EFNA5: variants seen among roughly 807,000 people sequenced by gnomAD.
The protein encoded by EFNA5 is ephrin-A5.
Under a neutral mutation model 22.9 loss-of-function variants are expected in EFNA5, and 5 were observed. That is an observed-to-expected ratio of 0.22 (90% CI 0.11 to 0.46). EFNA5 has a LOEUF of 0.46. Among genes scored for constraint, EFNA5 ranks in the 20% least tolerant of loss-of-function variants. The pLI is 0.99. For synonymous variants in EFNA5, 113 were observed against 112.2 expected, an observed-to-expected ratio of 1.01 and a Z score of -0.04; for missense variants, 237 against 293.3, an observed-to-expected ratio of 0.81 and a Z score of 1.40.
chr5:107,533,084 C>T (rs916528333), intron 1 of EFNA5, among the ~76,000 whole-genome samples: 1 of 151,988 alleles, frequency 6.6e-6, no homozygotes, highest in African/African-American at 2.4e-5. Flanking sequence ...GTATTGGATG[C>T]CTTATACTTT....
intron 1 of EFNA5, among the ~76,000 whole-genome samples, chr5:107,471,198 T>C (rs1317879635): frequency 1.3e-5 from 2 of 152,172 alleles, no homozygotes; most frequent in Non-Finnish European, 2.9e-5. Flanking sequence ...TTTGGTAGCA[T>C]GGAACCTATC....
At chr5:107,591,426 G>T (rs1749321971) in intron 1 of EFNA5, among the ~76,000 whole-genome samples, 2 of 151,996 alleles carry the variant, frequency 1.3e-5, no homozygotes, top group South Asian at 4.1e-4. Flanking sequence ...TCTTTCCACA[G>T]CATCCTATTT....
intron 1 of EFNA5, among the ~76,000 whole-genome samples, chr5:107,452,010 G>C (rs1258248064): frequency 6.6e-6 from 1 of 152,200 alleles, no homozygotes; most frequent in Non-Finnish European, 1.5e-5. Context: ...TAAAGAAAAT[G>C]TGGTACGTAT....
chr5:107,585,484 C>T (rs1020551030), intron 1 of EFNA5, among the ~76,000 whole-genome samples: 2 of 152,114 alleles, frequency 1.3e-5, no homozygotes, highest in African/African-American at 4.8e-5. Flanking sequence ...AGTGACAGTA[C>T]TGATAAATTC....
chr5:107,553,884 T>C (rs1027136496), intron 1 of EFNA5, among the ~76,000 whole-genome samples: 2 of 152,212 alleles, frequency 1.3e-5, no homozygotes, highest in Non-Finnish European at 2.9e-5. Context: ...GCATGATTCT[T>C]TGTTCTTAAG....
chr5:107,380,474 C>G lies in EFNA5; in HGVS notation c.*781G>C, dbSNP rs1331204474. Reference sequence around the variant, plus strand: ...TATCTGGTGTGCACTGCCCAGTCACCAAAAAAATTAGAGGCACTCACACAT... The same window carrying G: ...TATCTGGTGTGCACTGCCCAGTCACGAAAAAAATTAGAGGCACTCACACAT... On this transcript the variant is annotated 3_prime_UTR_variant, in exon 5 of 5. Transcript: ENST00000333274. The G allele has an allele frequency of 6.1e-6, 1 of 165,202 alleles. No homozygotes were observed. Among genetic ancestry groups the G allele is most frequent in the Non-Finnish European group, 1.2e-5 (1 of 84,710 alleles). 10.2% of individuals were successfully genotyped at this position (165,202 alleles called of 1,614,324 possible). A position where few individuals can be genotyped will look rare whatever the true frequency, so the allele number is the denominator to read the frequency against.
At chr5:107,400,676 C>A (rs1162868916) in intron 2 of EFNA5, among the ~76,000 whole-genome samples, 2 of 152,228 alleles carry the variant, frequency 1.3e-5, no homozygotes, top group East Asian at 3.9e-4. Flanking sequence ...AGTGAATAAG[C>A]GAATGAACAG....
At chr5:107,415,390 T>C (rs1322891636) in intron 2 of EFNA5, among the ~76,000 whole-genome samples, 5 of 152,236 alleles carry the variant, frequency 3.3e-5, no homozygotes, top group Non-Finnish European at 7.3e-5. Flanking sequence ...TGGTGCTTCA[T>C]AATCTGACCC....
chr5:107,447,485 A>G (rs557075913), intron 1 of EFNA5, among the ~76,000 whole-genome samples: 7 of 152,246 alleles, frequency 4.6e-5, no homozygotes, highest in Non-Finnish European at 1.0e-4. Flanking sequence ...GTGGAGAAAC[A>G]GAAATGAACC....
chr5:107,400,793 T>C (rs1045889100), intron 2 of EFNA5, among the ~76,000 whole-genome samples: 4 of 152,244 alleles, frequency 2.6e-5, no homozygotes, highest in Non-Finnish European at 4.4e-5. Context: ...TTTGCTATGT[T>C]TTTCACTCTC....
At position 107,380,374 on chromosome 5, in the gene EFNA5, T is replaced by TAAAA. The variant is rs556075303; in HGVS notation, c.*877_*880dup. ...CATAAAAATGCCTCTTTGAGTTTCT[T>TAAAA]AAAAAAAAAAAAAAAAAAAAAAAAA... On this transcript the variant is annotated 3_prime_UTR_variant, in exon 5 of 5. Coordinates refer to ENST00000333274, the MANE Select transcript of EFNA5 (RefSeq NM_001962.3). 5 of 47,462 alleles carry TAAAA rather than the reference T, an allele frequency of 1.1e-4. No individual in the cohort carries two copies. The highest frequency in any genetic ancestry group is 6.1e-4 in the East Asian group (1 of 1,640). The allele number at this position is 47,462 out of a possible 1,614,324, so 2.9% of individuals were successfully genotyped here. A position where few individuals can be genotyped will look rare whatever the true frequency, so the allele number is the denominator to read the frequency against.
chr5:107,452,670 T>C (rs1247720595), intron 1 of EFNA5, among the ~76,000 whole-genome samples: 1 of 152,144 alleles, frequency 6.6e-6, no homozygotes, highest in Non-Finnish European at 1.5e-5. Context: ...AAGGCTGCAG[T>C]GAATCGTGAT....
intron 1 of EFNA5, among the ~76,000 whole-genome samples, chr5:107,498,235 G>A (rs1162731731): frequency 6.6e-6 from 1 of 152,186 alleles, no homozygotes; most frequent in East Asian, 1.9e-4. Flanking sequence ...TCTTTATATG[G>A]TACAGTGACA....
At chr5:107,468,006 C>A (rs571435273) in intron 1 of EFNA5, among the ~76,000 whole-genome samples, 1 of 152,264 alleles carries the variant, frequency 6.6e-6, no homozygotes, top group African/African-American at 2.4e-5. Context: ...TATGACATAG[C>A]ATTTTGTTCT....
intron 4 of EFNA5, 137 bp downstream of exon 4, chr5:107,387,098 T>G (rs1747645618): frequency 1.8e-6 from 1 of 556,218 alleles, no homozygotes; most frequent in Non-Finnish European, 3.2e-6. Flanking sequence ...ATAAGTCATA[T>G]TAGCATCGCT....
intron 1 of EFNA5, among the ~76,000 whole-genome samples, chr5:107,643,307 T>C (rs1561457994): frequency 6.6e-6 from 1 of 152,172 alleles, no homozygotes; most frequent in Non-Finnish European, 1.5e-5. Flanking sequence ...TGGCTGGTCA[T>C]AGATTCAAAT....
intron 1 of EFNA5, among the ~76,000 whole-genome samples, chr5:107,531,669 T>C (rs1468429161): frequency 3.3e-5 from 5 of 152,220 alleles, no homozygotes; most frequent in Non-Finnish European, 5.9e-5. Context: ...ATTTCTAATG[T>C]GTTTTATTCC....
At chr5:107,593,584 C>G (rs1365911843) in intron 1 of EFNA5, among the ~76,000 whole-genome samples, 1 of 152,194 alleles carries the variant, frequency 6.6e-6, no homozygotes, top group East Asian at 1.9e-4. Flanking sequence ...AAACCACCAA[C>G]AGTCTGGCCT....
chr5:107,465,011 G>A lies in EFNA5; in HGVS notation c.126-37502C>T, dbSNP rs529981226. Among the ~76,000 whole-genome samples, 10 of 151,418 alleles carry A rather than the reference G, an allele frequency of 6.6e-5. No individual in the cohort carries two copies. The East Asian group carries it at 1.9e-3, about 29-fold the overall frequency. ...GACCAGCACTGAGCTCACCGAGGAA[G>A]CACGGCCTAAGGGTTTACACCTGTG... On this transcript the variant is annotated intron_variant, in intron 1 of 4. Transcript: ENST00000333274.
Sources: allele counts gnomAD v4.1 joint callset (sites outside exome capture counted in the v4.1 genomes callset), GRCh38; gene constraint gnomAD v4.1.1; transcripts MANE v1.5; gene names NCBI Gene and HGNC (gene_info 2026-07-23, HGNC 2026-07-21).